The following SLIT3 variants were observed in gnomAD, a reference collection of about 807,000 sequenced individuals.
SLIT3 encodes slit guidance ligand 3.
A neutral mutation model predicts 184.0 loss-of-function variants in SLIT3; 68 were observed. The ratio of observed to expected loss-of-function variants is 0.37; its 90% confidence interval spans 0.30 to 0.45. The LOEUF (loss-of-function observed/expected upper bound fraction) is 0.45. Ranked by LOEUF, SLIT3 falls within the 20% of genes least tolerant of loss-of-function variation. SLIT3 has a pLI of 1.00. For synonymous variants in SLIT3, 831 were observed against 828.6 expected, an observed-to-expected ratio of 1.00 and a Z score of -0.05; for missense variants, 1,707 against 2,026.0, an observed-to-expected ratio of 0.84 and a Z score of 3.02.
intron 4 of SLIT3, among the ~76,000 whole-genome samples, chr5:169,030,080 C>T (rs879379343): frequency 1.3e-5 from 2 of 152,184 alleles, no homozygotes; most frequent in Non-Finnish European, 2.9e-5. Flanking sequence ...GAAACCTGCC[C>T]TCTCCTAGGC....
chr5:169,189,264 C>A (rs1188819102), intron 4 of SLIT3, among the ~76,000 whole-genome samples: 1 of 151,910 alleles, frequency 6.6e-6, no homozygotes, highest in Non-Finnish European at 1.5e-5. Flanking sequence ...AGGTCCATCA[C>A]CAATCCTTTT....
At chr5:169,032,359 T>C (rs1008152133) in intron 4 of SLIT3, among the ~76,000 whole-genome samples, 1 of 152,240 alleles carries the variant, frequency 6.6e-6, no homozygotes, top group Non-Finnish European at 1.5e-5. Flanking sequence ...TTGTATTTCA[T>C]AAATCTACCT....
At chr5:168,813,588 T>C (rs559414497) in intron 8 of SLIT3, among the ~76,000 whole-genome samples, 3 of 152,256 alleles carry the variant, frequency 2.0e-5, no homozygotes, top group South Asian at 2.1e-4. Flanking sequence ...TTGTGAAAAA[T>C]TCCCAATACC....
rs923185666 is a variant in SLIT3, at chr5:168,747,618, G to T, written c.2270+684C>A. 3.3e-5 allele frequency among the ~76,000 whole-genome samples: 5 copies of T among 152,160 alleles called. No homozygotes were observed. In the South Asian group the frequency reaches 6.2e-4, roughly 19 times the overall value. On this transcript the variant is annotated intron_variant, in intron 20 of 35. Transcript: ENST00000519560. ...CTTGTCCTTCTGTCTGTGCTTTCCT[G>T]GGGGGCAGAAATAGGATTTTCTCCA...
intron 3 of SLIT3, among the ~76,000 whole-genome samples, chr5:169,197,657 GA>G (rs1198420697): frequency 6.6e-6 from 1 of 152,188 alleles, no homozygotes; most frequent in Non-Finnish European, 1.5e-5. Flanking sequence ...TGGAGAACAG[GA>G]CTGAATGGAA....
At chr5:168,958,529 T>C (rs1346525451) in intron 4 of SLIT3, among the ~76,000 whole-genome samples, 2 of 152,188 alleles carry the variant, frequency 1.3e-5, no homozygotes, top group Admixed American at 1.3e-4. Context: ...TAAATGATAA[T>C]GTAAGCCAAC....
At chr5:169,273,304 T>C (rs1766692163) in intron 1 of SLIT3, among the ~76,000 whole-genome samples, 1 of 152,192 alleles carries the variant, frequency 6.6e-6, no homozygotes, top group South Asian at 2.1e-4. Flanking sequence ...TACCTGAGGC[T>C]TGGCTTCCAG....
intron 4 of SLIT3, among the ~76,000 whole-genome samples, chr5:168,990,261 C>T (rs1755275334): frequency 6.6e-6 from 1 of 152,332 alleles, no homozygotes; most frequent in East Asian, 1.9e-4. Context: ...TCCCTGCATC[C>T]CCAGTCAACA....
chr5:168,832,909 C>T (rs914319723), intron 6 of SLIT3, among the ~76,000 whole-genome samples: 1 of 152,086 alleles, frequency 6.6e-6, no homozygotes, highest in African/African-American at 2.4e-5. Flanking sequence ...CAAATTCATT[C>T]AATAATTTAA....
At chr5:168,740,045 C>T (rs1423558152) in intron 20 of SLIT3, among the ~76,000 whole-genome samples, 1 of 152,130 alleles carries the variant, frequency 6.6e-6, no homozygotes, top group Non-Finnish European at 1.5e-5. Context: ...TGATCAATAT[C>T]AATAGCTATA....
chr5:168,753,063 T>C lies in SLIT3; in HGVS notation c.1865A>G (p.Asn622Ser). The change falls in exon 18 of 36, where the codon AAT (asparagine) becomes AGT (serine). Residue 622 changes from asparagine to serine, a missense_variant. Transcript: ENST00000519560. ...CGAACTCAGGCCGGCAAAGGTGTCA[T>C]TACTCACACAGCCGATCAAGTTACT... ...LRSNLIGCVSNDTFAGLSSVR... is the reference protein window; with the variant it reads ...LRSNLIGCVSSDTFAGLSSVR... 1.2e-6 allele frequency: 2 copies of C among 1,614,098 alleles called. No individual in the cohort carries two copies. Among genetic ancestry groups the C allele is most frequent in the Non-Finnish European group, 1.7e-6 (2 of 1,180,010 alleles).
chr5:169,023,353 A>C (rs774229506), intron 4 of SLIT3, among the ~76,000 whole-genome samples: 3 of 152,020 alleles, frequency 2.0e-5, no homozygotes, highest in Non-Finnish European at 4.4e-5. Flanking sequence ...TGTGTGTAGA[A>C]ATTTTTTTAG....
intron 6 of SLIT3, among the ~76,000 whole-genome samples, chr5:168,829,496 G>C (rs62378507): frequency 0.013 from 2,008 of 152,320 alleles, 22 homozygotes; most frequent in South Asian, 0.022. Context: ...AAGGCAGATA[G>C]ACTTCTCCCT....
At chr5:169,076,425 T>C (rs1451729063) in intron 4 of SLIT3, among the ~76,000 whole-genome samples, 1 of 152,170 alleles carries the variant, frequency 6.6e-6, no homozygotes, top group Non-Finnish European at 1.5e-5. Flanking sequence ...GCACTAGAGC[T>C]TCCCTCTCCA....
chr5:168,851,553 T>C (rs1383730661), intron 5 of SLIT3, among the ~76,000 whole-genome samples: 1 of 152,194 alleles, frequency 6.6e-6, no homozygotes, highest in Admixed American at 6.5e-5. Flanking sequence ...GTTTGGTTAC[T>C]GTTTGCAAAA....
At chr5:169,082,152 T>C (rs1759091595) in intron 4 of SLIT3, among the ~76,000 whole-genome samples, 1 of 152,194 alleles carries the variant, frequency 6.6e-6, no homozygotes, top group African/African-American at 2.4e-5. Flanking sequence ...CCACAGGCCG[T>C]AGACATGCCA....
intron 12 of SLIT3, among the ~76,000 whole-genome samples, chr5:168,777,656 G>C (rs899708541): frequency 4.6e-5 from 7 of 152,208 alleles, no homozygotes; most frequent in African/African-American, 1.7e-4. Context: ...TGGAGCAAAA[G>C]AAAACACAAA....
intron 20 of SLIT3, 23 bp from the exon 21 acceptor site, chr5:168,724,507 A>C: frequency 2.5e-6 from 4 of 1,603,904 alleles, no homozygotes; most frequent in Non-Finnish European, 3.4e-6. Context: ...TGGAGAGACA[A>C]CACCTGAGAA....
At chr5:168,686,955 T>G (rs949322400) in intron 30 of SLIT3, 24 bp downstream of exon 30, 1 of 1,608,274 alleles carries the variant, frequency 6.2e-7, no homozygotes, top group African/African-American at 1.3e-5. Flanking sequence ...GCTGTCTCCT[T>G]CCTGAGGTGC....
Sources: allele counts gnomAD v4.1 joint callset (sites outside exome capture counted in the v4.1 genomes callset), GRCh38; gene constraint gnomAD v4.1.1; transcripts MANE v1.5; gene names NCBI Gene and HGNC (gene_info 2026-07-23, HGNC 2026-07-21).